FMN1: variants seen among roughly 807,000 people sequenced by gnomAD.
FMN1 encodes the protein formin-1.
A neutral mutation model predicts 132.4 loss-of-function variants in FMN1; 110 were observed. The ratio of observed to expected loss-of-function variants is 0.83; its 90% CI spans 0.71 to 0.97. FMN1 has a LOEUF of 0.97. Ranked by LOEUF, FMN1 falls within the 50% of genes least tolerant of loss-of-function variation. FMN1 has a pLI of 0.00. For missense variants in FMN1, 1,792 were observed against 1,705.3 expected, an observed-to-expected ratio of 1.05 and a Z score of -0.90; for synonymous variants, 722 against 651.7, an observed-to-expected ratio of 1.11 and a Z score of -1.64.
At chr15:32,939,199 A>C (rs1002439815) in intron 9 of FMN1, among the ~76,000 whole-genome samples, 1 of 152,222 alleles carries the variant, frequency 6.6e-6, no homozygotes, top group South Asian at 2.1e-4. Flanking sequence ...AGTCCTGTAA[A>C]GTATGTATAG....
intron 19 of FMN1, among the ~76,000 whole-genome samples, chr15:32,791,870 T>A (rs1259735064): frequency 6.6e-6 from 1 of 152,000 alleles, no homozygotes; most frequent in Non-Finnish European, 1.5e-5. Context: ...ACATATTGAA[T>A]TGCAGATGAA....
intron 17 of FMN1, among the ~76,000 whole-genome samples, chr15:32,808,901 G>GTT (rs35230592): frequency 0.069 from 9,925 of 144,398 alleles, 415 homozygotes; most frequent in Middle Eastern, 0.11. Context: ...AAACTTTAGT[G>GTT]TTTTTTTTTT....
intron 5 of FMN1, among the ~76,000 whole-genome samples, chr15:33,083,443 T>C (rs997798596): frequency 1.3e-5 from 2 of 152,092 alleles, no homozygotes; most frequent in African/African-American, 4.8e-5. Context: ...AGGGTTGGCA[T>C]TTTGCGTCCC....
intron 6 of FMN1, among the ~76,000 whole-genome samples, chr15:33,045,581 C>T (rs28446831): frequency 0.31 from 47,469 of 152,022 alleles, 7,546 homozygotes; most frequent in Non-Finnish European, 0.33. Context: ...TTTCTTCATG[C>T]AAATTTCTGT....
chr15:33,149,515 A>G (rs574369213), intron 4 of FMN1, among the ~76,000 whole-genome samples: 2 of 152,310 alleles, frequency 1.3e-5, no homozygotes, highest in Non-Finnish European at 2.9e-5. Flanking sequence ...TTATTGGTAC[A>G]TATATTTATG....
chr15:33,098,151 C>T (rs2039157333), intron 4 of FMN1, among the ~76,000 whole-genome samples: 1 of 152,166 alleles, frequency 6.6e-6, no homozygotes, highest in African/African-American at 2.4e-5. Flanking sequence ...CAAAATAACT[C>T]ATAGGTCAAA....
At chr15:33,035,094 A>G (rs570374217) in intron 6 of FMN1, among the ~76,000 whole-genome samples, 1 of 152,354 alleles carries the variant, frequency 6.6e-6, no homozygotes, top group African/African-American at 2.4e-5. Flanking sequence ...GAGAGAACCA[A>G]TTCAGGTGTC....
chr15:33,056,990 A>G (rs1158480694), intron 6 of FMN1, among the ~76,000 whole-genome samples: 6 of 152,198 alleles, frequency 3.9e-5, no homozygotes, highest in Non-Finnish European at 8.8e-5. Flanking sequence ...AGCCTGGCCA[A>G]CATGGCAAAA....
chr15:33,014,820 A>C (rs1422377480), intron 6 of FMN1, among the ~76,000 whole-genome samples: 1 of 152,248 alleles, frequency 6.6e-6, no homozygotes, highest in Non-Finnish European at 1.5e-5. Context: ...TGTGAAGAGC[A>C]GAATTACAGA....
intron 17 of FMN1, among the ~76,000 whole-genome samples, chr15:32,844,232 A>T (rs2058808985): frequency 1.3e-5 from 2 of 152,192 alleles, no homozygotes; most frequent in Admixed American, 1.3e-4. Context: ...TGTTAATTAT[A>T]GTGGCGTTCA....
intron 6 of FMN1, among the ~76,000 whole-genome samples, chr15:33,051,651 T>C (rs1343770986): frequency 6.6e-6 from 1 of 152,150 alleles, no homozygotes; most frequent in East Asian, 1.9e-4. Context: ...CAGCAGAGTT[T>C]TTAGCTGGTA....
At chr15:32,862,696 A>G (rs10519760) in intron 16 of FMN1, among the ~76,000 whole-genome samples, 27,033 of 152,248 alleles carry the variant, frequency 0.18, 3,002 homozygotes, top group East Asian at 0.3. Flanking sequence ...ATTCATCAAA[A>G]TCAAATACGT....
chr15:32,954,837 C>T (rs1358502366), intron 9 of FMN1, among the ~76,000 whole-genome samples: 2 of 152,170 alleles, frequency 1.3e-5, no homozygotes, highest in South Asian at 2.1e-4. Context: ...GAAACCCCAT[C>T]TCTACTAAAA....
intron 4 of FMN1, among the ~76,000 whole-genome samples, chr15:33,122,414 G>C (rs1962652469): frequency 6.6e-6 from 1 of 152,126 alleles, no homozygotes; most frequent in South Asian, 2.1e-4. Context: ...AAGTAAGGTA[G>C]GTCAGAGTAG....
At chr15:32,980,134 G>A (rs1266526081) in intron 7 of FMN1, among the ~76,000 whole-genome samples, 1 of 152,070 alleles carries the variant, frequency 6.6e-6, no homozygotes. Context: ...GAAGCTAGGA[G>A]GGGAAGTGTT....
intron 9 of FMN1, among the ~76,000 whole-genome samples, chr15:32,948,257 T>C (rs1379969110): frequency 6.6e-6 from 1 of 152,010 alleles, no homozygotes; most frequent in African/African-American, 2.4e-5. Flanking sequence ...TGAATCAAAT[T>C]TGCCAGTCTG....
At chr15:32,816,126 C>A (rs1458131183) in intron 17 of FMN1, among the ~76,000 whole-genome samples, 1 of 152,186 alleles carries the variant, frequency 6.6e-6, no homozygotes, top group Non-Finnish European at 1.5e-5. Context: ...GCTTGTGCAG[C>A]CTTTCTTGGG....
At chr15:32,798,214 A>C (rs867253598) in intron 19 of FMN1, among the ~76,000 whole-genome samples, 4 of 144,724 alleles carry the variant, frequency 2.8e-5, no homozygotes, top group African/African-American at 1.1e-4. Flanking sequence ...ACACACACAC[A>C]CACCCCGTCT....
chr15:32,978,990 A>G (rs925502913), intron 7 of FMN1, among the ~76,000 whole-genome samples: 3 of 152,202 alleles, frequency 2.0e-5, no homozygotes, highest in African/African-American at 4.8e-5. Flanking sequence ...TTCTGGTGTA[A>G]AAGATGAAAC....
Sources: allele counts gnomAD v4.1 joint callset (sites outside exome capture counted in the v4.1 genomes callset), GRCh38; gene constraint gnomAD v4.1.1; transcripts MANE v1.5; gene names NCBI Gene and HGNC (gene_info 2026-07-23, HGNC 2026-07-21).